ABI2: variants seen among roughly 807,000 people sequenced by gnomAD.
ABI2 encodes the protein abelson interactor 2.
ABI2 carries 25 observed loss-of-function variants against 59.2 expected under a neutral mutation model. That is an observed-to-expected ratio of 0.42 (90% CI 0.31 to 0.59). The LOEUF (loss-of-function observed/expected upper bound fraction) is 0.59. ABI2 is among the 20% of genes least tolerant of loss of function. The probability of loss-of-function intolerance (pLI) is 0.14; values close to 1 mark genes in which losing one functional copy is unlikely to be tolerated. For synonymous variants in ABI2, 213 were observed against 235.5 expected (o/e 0.90, Z 0.87); for missense variants, 545 against 681.8 (o/e 0.80, Z 2.23).
At chr2:203,343,996 T>G (rs2081613682) in intron 1 of ABI2, among the ~76,000 whole-genome samples, 1 of 151,644 alleles carries the variant, frequency 6.6e-6, no homozygotes, top group Admixed American at 6.6e-5. Flanking sequence ...TAGCTGGATA[T>G]AGAGGTGTGT....
chr2:203,372,128 C>T (rs2095267875), intron 2 of ABI2, among the ~76,000 whole-genome samples: 1 of 151,902 alleles, frequency 6.6e-6, no homozygotes, highest in East Asian at 1.9e-4. Context: ...GTGGTGATGA[C>T]TCTTAACGAG....
chr2:203,363,667 A>G (rs1266917417), intron 1 of ABI2, among the ~76,000 whole-genome samples: 1 of 152,186 alleles, frequency 6.6e-6, no homozygotes, highest in Admixed American at 6.5e-5. Flanking sequence ...ACTTAATATA[A>G]TGACCTCCAG....
chr2:203,382,326 T>C, intron 4 of ABI2, 120 bp downstream of exon 4: 2 of 897,330 alleles, frequency 2.2e-6, no homozygotes, highest in Non-Finnish European at 3.3e-6. Context: ...TCCTCCTTTT[T>C]GTTTTATTTT....
In ABI2 at chr2:203,328,604, C is replaced by T. The variant is rs1294364579; in HGVS notation, c.90C>T (p.Ala30=). The T allele has an allele frequency of 1.9e-6, 3 of 1,602,934 alleles. No homozygotes were observed. Among genetic ancestry groups the T allele is most frequent in the African/African-American group, 1.4e-5 (1 of 73,298 alleles). The change falls in exon 1 of 12, where the codon GCC becomes GCT. Residue 30 remains alanine (A), a synonymous_variant. Transcript: ENST00000261018. ...GCTACACAAATCTGGAACGGGTGGC[C>T]GATTACTGCGAGAACAACTACATAC... The part of the protein sequence containing the change: ...FDSYTNLERV[A]DYCENNYIQS...
chr2:203,425,262 C>T (rs1242835932), intron 11 of ABI2, among the ~76,000 whole-genome samples: 1 of 152,016 alleles, frequency 6.6e-6, no homozygotes, highest in Admixed American at 6.6e-5. Context: ...CTCACTCTGT[C>T]ACCAAGGCTG....
At chr2:203,402,756 C>A (rs1386090700) in intron 9 of ABI2, 22 bp downstream of exon 9, 2 of 1,541,404 alleles carry the variant, frequency 1.3e-6, no homozygotes, top group East Asian at 4.6e-5. Flanking sequence ...TGTTTTTTTG[C>A]ATTCTATAGA....
At chr2:203,392,317 A>ACCACCACCACCACCACCACCACCAC (rs1559313290) in intron 5 of ABI2, among the ~76,000 whole-genome samples, 1 of 108,590 alleles carries the variant, frequency 9.2e-6, no homozygotes, top group Admixed American at 1.1e-4. Flanking sequence ...ACCACCACCA[A>ACCACCACCACCACCACCACCACCAC]CAACAACAAC....
intron 1 of ABI2, among the ~76,000 whole-genome samples, chr2:203,360,350 G>A (rs1332571723): frequency 6.6e-6 from 1 of 152,120 alleles, no homozygotes; most frequent in Admixed American, 6.6e-5. Context: ...GTTCTTATTG[G>A]TAAGAGGATG....
At chr2:203,360,757 A>G (rs941865514) in intron 1 of ABI2, among the ~76,000 whole-genome samples, 5 of 152,224 alleles carry the variant, frequency 3.3e-5, no homozygotes, top group African/African-American at 9.6e-5. Context: ...TTGGCAAACC[A>G]GAGATTCTAC....
intron 9 of ABI2, among the ~76,000 whole-genome samples, chr2:203,410,108 C>T (rs1056316008): frequency 3.3e-5 from 5 of 152,188 alleles, no homozygotes; most frequent in Admixed American, 6.5e-5. Flanking sequence ...CTTTCTCAAC[C>T]CCTGTCAGCT....
At chr2:203,373,449 C>G (rs946640118) in intron 2 of ABI2, among the ~76,000 whole-genome samples, 2 of 151,440 alleles carry the variant, frequency 1.3e-5, no homozygotes, top group African/African-American at 4.9e-5. Context: ...AGAGGGAGAC[C>G]GTGGAAAGAG....
chr2:203,360,454 A>C (rs1430596810), intron 1 of ABI2, among the ~76,000 whole-genome samples: 1 of 152,064 alleles, frequency 6.6e-6, no homozygotes, highest in African/African-American at 2.4e-5. Context: ...GGATATGATG[A>C]AGGGAAACAA....
intron 1 of ABI2, among the ~76,000 whole-genome samples, chr2:203,360,218 T>A (rs1576911900): frequency 6.7e-6 from 1 of 150,326 alleles, no homozygotes; most frequent in East Asian, 1.9e-4. Context: ...GAAGCAGTTG[T>A]ACCCTAAAGG....
chr2:203,387,817 G>A (rs1389780386), intron 4 of ABI2, among the ~76,000 whole-genome samples: 3 of 152,152 alleles, frequency 2.0e-5, no homozygotes, highest in Non-Finnish European at 1.5e-5. Flanking sequence ...TGTTTTCCTT[G>A]TCTTGAGTTT....
intron 1 of ABI2, among the ~76,000 whole-genome samples, chr2:203,339,177 C>T (rs2078406608): frequency 6.6e-6 from 1 of 150,954 alleles, no homozygotes; most frequent in South Asian, 2.1e-4. Flanking sequence ...GAGCTGTCAC[C>T]TCACACTTGT....
In ABI2 at chr2:203,425,788, G is replaced by A. The variant is rs898848833; in HGVS notation, c.1454-1389G>A. On this transcript the variant is annotated intron_variant, in intron 11 of 11. Transcript: ENST00000261018. ...TGTAATCCCAGCACTTTGGGAGGCCGAGGCAAGTGGATCACCTGAGGTCAG... is the reference window on the plus strand; with the variant it reads ...TGTAATCCCAGCACTTTGGGAGGCCAAGGCAAGTGGATCACCTGAGGTCAG... Among the ~76,000 whole-genome samples the A allele has an allele frequency of 4.6e-5, 7 of 152,020 alleles. No homozygotes were observed. The East Asian group carries it at 5.8e-4, about 13-fold the overall frequency.
At chr2:203,399,597 T>C (rs1386578878) in intron 8 of ABI2, among the ~76,000 whole-genome samples, 1 of 152,160 alleles carries the variant, frequency 6.6e-6, no homozygotes, top group African/African-American at 2.4e-5. Flanking sequence ...CTCACTGCAA[T>C]CTCCGCCTCG....
chr2:203,391,820 CAAAAAA>C (rs1373761885), intron 5 of ABI2, among the ~76,000 whole-genome samples: 2 of 59,884 alleles, frequency 3.3e-5, no homozygotes, highest in Admixed American at 1.8e-4. Flanking sequence ...GCCCCTGTCT[CAAAAAA>C]AAAAAAAAAA....
rs376386538 is a variant in ABI2 at position 203,366,834 on chromosome 2, G to C, written c.118-43G>C. 7 of 1,500,114 alleles carry C rather than the reference G, an allele frequency of 4.7e-6. 1 individual carries two copies. The highest frequency in any genetic ancestry group is 6.3e-6 in the Non-Finnish European group (7 of 1,117,016). 92.9% of individuals were successfully genotyped at this position (1,500,114 alleles called of 1,614,324 possible). ...TGGTAGGTTAGTTTGCTAGAAATGG[G>C]TTATTTTTGAATTAATGATCACTGG... On this transcript the variant is annotated intron_variant, in intron 1 of 11. Coordinates refer to ENST00000261018, the MANE Select transcript of ABI2 (RefSeq NM_001375670.1).
Sources: allele counts gnomAD v4.1 joint callset (sites outside exome capture counted in the v4.1 genomes callset), GRCh38; gene constraint gnomAD v4.1.1; transcripts MANE v1.5; gene names NCBI Gene and HGNC (gene_info 2026-07-23, HGNC 2026-07-21).